The following ZNF804B variants were observed in gnomAD, a reference collection of about 807,000 sequenced individuals.
The protein encoded by ZNF804B is zinc finger 804B.
Under a neutral mutation model 101.4 loss-of-function variants are expected in ZNF804B, and 80 were observed. The ratio of observed to expected loss-of-function variants is 0.79; its 90% CI spans 0.66 to 0.95. The LOEUF is 0.95. Ranked by LOEUF, ZNF804B falls within the 40% of genes least tolerant of loss-of-function variation. The pLI, the probability that ZNF804B is intolerant of heterozygous loss-of-function variation, is 0.00. For missense variants in ZNF804B, 1,673 were observed against 1,561.9 expected (o/e 1.07, Z -1.20); for synonymous variants, 622 against 558.8 (o/e 1.11, Z -1.59).
intron 1 of ZNF804B, among the ~76,000 whole-genome samples, chr7:88,886,146 A>C (rs2115918589): frequency 6.6e-6 from 1 of 152,258 alleles, no homozygotes; most frequent in Non-Finnish European, 1.5e-5. Context: ...CATTAATGCA[A>C]ATAAAGGAGC....
intron 1 of ZNF804B, among the ~76,000 whole-genome samples, chr7:89,027,643 A>G (rs1788770287): frequency 6.6e-6 from 1 of 152,166 alleles, no homozygotes; most frequent in South Asian, 2.1e-4. Context: ...ATAGGAAGAG[A>G]GAACCTCTCC....
intron 2 of ZNF804B, among the ~76,000 whole-genome samples, chr7:89,265,306 G>A (rs1244017226): frequency 3.4e-5 from 5 of 149,250 alleles, no homozygotes; most frequent in African/African-American, 4.9e-5. Context: ...GCGTGCGCGC[G>A]CGCACACATG....
intron 2 of ZNF804B, among the ~76,000 whole-genome samples, chr7:89,221,119 A>G (rs936540425): frequency 6.6e-6 from 1 of 151,978 alleles, no homozygotes; most frequent in African/African-American, 2.4e-5. Flanking sequence ...TGATCCATTT[A>G]TCATTAAGTT....
intron 1 of ZNF804B, among the ~76,000 whole-genome samples, chr7:89,029,331 T>G (rs1788796611): frequency 6.6e-6 from 1 of 152,158 alleles, no homozygotes; most frequent in Admixed American, 6.6e-5. Flanking sequence ...TTCGAACTCC[T>G]GACCTCAAAT....
chr7:88,870,400 A>AAAAAAAAAAG (rs781332488), intron 1 of ZNF804B, among the ~76,000 whole-genome samples: 151 of 112,492 alleles, frequency 1.3e-3, no homozygotes, highest in Middle Eastern at 4.4e-3. Flanking sequence ...AAAAAAAAAA[A>AAAAAAAAAAG]AAAAAAAGGT....
chr7:88,772,095 T>G (rs1277269017), intron 1 of ZNF804B, among the ~76,000 whole-genome samples: 1 of 152,150 alleles, frequency 6.6e-6, no homozygotes, highest in Non-Finnish European at 1.5e-5. Context: ...TTAAATGAAT[T>G]TAAATAGATT....
At chr7:88,810,641 C>T (rs1790770443) in intron 1 of ZNF804B, among the ~76,000 whole-genome samples, 1 of 150,688 alleles carries the variant, frequency 6.6e-6, no homozygotes, top group South Asian at 2.1e-4. Context: ...CTAGCCTGGG[C>T]AGCAGGGCGA....
At chr7:88,798,600 A>AT (rs1176938715) in intron 1 of ZNF804B, among the ~76,000 whole-genome samples, 1 of 152,058 alleles carries the variant, frequency 6.6e-6, no homozygotes, top group African/African-American at 2.4e-5. Flanking sequence ...CTTCCTAAAA[A>AT]TTTTAGCTTC....
intron 1 of ZNF804B, among the ~76,000 whole-genome samples, chr7:88,826,604 C>T (rs1296320242): frequency 6.6e-6 from 1 of 151,940 alleles, no homozygotes; most frequent in Non-Finnish European, 1.5e-5. Context: ...GGCGGCTTTA[C>T]AGAATATTAT....
intron 1 of ZNF804B, among the ~76,000 whole-genome samples, chr7:89,112,128 A>C (rs899649750): frequency 3.7e-5 from 3 of 80,560 alleles, no homozygotes; most frequent in Non-Finnish European, 6.6e-5. Context: ...AAAAAAGTTA[A>C]AATGGCAACA....
chr7:89,258,326 A>G (rs1219237544), intron 2 of ZNF804B, among the ~76,000 whole-genome samples: 2 of 152,184 alleles, frequency 1.3e-5, no homozygotes, highest in African/African-American at 2.4e-5. Flanking sequence ...GCAACTGTGT[A>G]TATTTTTCAC....
At chr7:88,880,033 G>A (rs980797185) in intron 1 of ZNF804B, among the ~76,000 whole-genome samples, 4 of 144,314 alleles carry the variant, frequency 2.8e-5, no homozygotes, top group Non-Finnish European at 5.9e-5. Flanking sequence ...GCTACACAGC[G>A]AGACTGTCTT....
At chr7:89,197,936 T>G (rs1023429018) in intron 1 of ZNF804B, among the ~76,000 whole-genome samples, 1 of 151,856 alleles carries the variant, frequency 6.6e-6, no homozygotes, top group African/African-American at 2.4e-5. Flanking sequence ...CTAAAAGTTA[T>G]TTAAATAATG....
chr7:89,049,796 A>G (rs12535246), intron 1 of ZNF804B, among the ~76,000 whole-genome samples: 48,231 of 151,930 alleles, frequency 0.32, 7,954 homozygotes, highest in East Asian at 0.52. Context: ...CATATAATGT[A>G]AAGTCAGAGG....
At chr7:89,236,815 G>T (rs930161471) in intron 2 of ZNF804B, among the ~76,000 whole-genome samples, 2 of 152,000 alleles carry the variant, frequency 1.3e-5, no homozygotes, top group African/African-American at 4.8e-5. Flanking sequence ...ATTCTGACAA[G>T]TAATTTTAGA....
intron 1 of ZNF804B, among the ~76,000 whole-genome samples, chr7:88,945,863 A>T (rs552578234): frequency 6.6e-6 from 1 of 152,116 alleles, no homozygotes; most frequent in East Asian, 1.9e-4. Flanking sequence ...TGTGAATGGG[A>T]GTTCACTCAT....
At position 88,874,818 on chromosome 7, in the gene ZNF804B, ATCT is replaced by A. The variant is rs1227299104; in HGVS notation, c.108+114735_108+114737del. Among the ~76,000 whole-genome samples the A allele has an allele frequency of 2.3e-4, 35 of 151,654 alleles. No homozygotes were observed. In the East Asian group the frequency reaches 6.8e-3, roughly 29 times the overall value. ...TCTGCACCAAGCGGACCTAATAGAC[ATCT>A]ACAGAACTCCCCACCCCAAATCAAC... On this transcript the variant is annotated intron_variant, in intron 1 of 3. Transcript: ENST00000333190.
At chr7:89,079,965 G>A (rs922186271) in intron 1 of ZNF804B, among the ~76,000 whole-genome samples, 2 of 151,926 alleles carry the variant, frequency 1.3e-5, no homozygotes, top group African/African-American at 4.8e-5. Context: ...GCACCTTGGA[G>A]GTTATGAGAA....
At chr7:88,863,026 A>T (rs1791673584) in intron 1 of ZNF804B, among the ~76,000 whole-genome samples, 1 of 152,136 alleles carries the variant, frequency 6.6e-6, no homozygotes, top group South Asian at 2.1e-4. Flanking sequence ...TGATGATAAA[A>T]GCCTATAACA....
Sources: gnomAD v4.1 joint callset for allele counts (sites outside exome capture counted in the v4.1 genomes callset) on GRCh38, gnomAD v4.1.1 for gene constraint, MANE v1.5 for transcripts, NCBI Gene and HGNC (gene_info 2026-07-23, HGNC 2026-07-21) for gene names.